TBC1D22A: variants seen among roughly 807,000 people sequenced by gnomAD.
The protein encoded by TBC1D22A is TBC1 domain family member 22A.
Under a neutral mutation model 60.2 loss-of-function variants are expected in TBC1D22A, and 38 were observed. The ratio of observed to expected loss-of-function variants is 0.63; its 90% CI spans 0.49 to 0.83. The LOEUF (loss-of-function observed/expected upper bound fraction) is 0.83. TBC1D22A is among the 40% of genes least tolerant of loss of function. The pLI, the probability that TBC1D22A is intolerant of heterozygous loss-of-function variation, is 0.00. For missense variants in TBC1D22A, 628 were observed against 701.0 expected, an observed-to-expected ratio of 0.90 and a Z score of 1.18; for synonymous variants, 302 against 281.7, an observed-to-expected ratio of 1.07 and a Z score of -0.72.
intron 7 of TBC1D22A, among the ~76,000 whole-genome samples, chr22:46,907,145 T>TGC (rs367694379): frequency 6.6e-5 from 10 of 152,062 alleles, no homozygotes; most frequent in Non-Finnish European, 1.5e-4. Flanking sequence ...TGTGTGTGTG[T>TGC]GCGTGTGTTC....
At chr22:46,966,166 G>A (rs1452833804) in intron 8 of TBC1D22A, among the ~76,000 whole-genome samples, 4 of 152,130 alleles carry the variant, frequency 2.6e-5, no homozygotes, top group Non-Finnish European at 4.4e-5. Flanking sequence ...CCCATCACCT[G>A]CGCTCTATCC....
chr22:46,929,659 C>T (rs1166379991), intron 8 of TBC1D22A, among the ~76,000 whole-genome samples: 3 of 152,026 alleles, frequency 2.0e-5, no homozygotes, highest in Non-Finnish European at 4.4e-5. Context: ...CTCAAGGTAC[C>T]TTATTCAACT....
chr22:47,105,459 T>G (rs1274333439), intron 11 of TBC1D22A, among the ~76,000 whole-genome samples: 4 of 152,214 alleles, frequency 2.6e-5, no homozygotes, highest in African/African-American at 9.6e-5. Flanking sequence ...CCCAGGGGTA[T>G]CTGCCAGTTG....
intron 4 of TBC1D22A, among the ~76,000 whole-genome samples, chr22:46,878,153 A>G (rs908503202): frequency 2.0e-5 from 3 of 151,928 alleles, no homozygotes; most frequent in African/African-American, 7.3e-5. Flanking sequence ...CCGTGAAACA[A>G]TTTCTTTCAA....
chr22:47,053,918 C>T (rs1324664813), intron 11 of TBC1D22A, among the ~76,000 whole-genome samples: 1 of 152,210 alleles, frequency 6.6e-6, no homozygotes, highest in Non-Finnish European at 1.5e-5. Flanking sequence ...CACGGGAATG[C>T]TCCAGAAGTG....
At chr22:46,819,970 G>C (rs1416035167) in intron 4 of TBC1D22A, among the ~76,000 whole-genome samples, 1 of 152,150 alleles carries the variant, frequency 6.6e-6, no homozygotes, top group Non-Finnish European at 1.5e-5. Flanking sequence ...TCTAGTTAGG[G>C]TATATGCATC....
At position 47,016,870 on chromosome 22, in the gene TBC1D22A, T is replaced by C. The variant is rs557462544; in HGVS notation, c.1201+19161T>C. ...AGCTGCTGCGTGGCTGTTGTGCTCC[T>C]CAGAGTCCTGGGCCAGGTTCTTGCC... On this transcript the variant is annotated intron_variant, in intron 10 of 12. Transcript: ENST00000337137. Among the ~76,000 whole-genome samples the C allele has an allele frequency of 2.6e-3, 397 of 152,332 alleles. 2 individuals carry two copies. The highest frequency in any genetic ancestry group is 9.0e-3 in the African/African-American group (376 of 41,580).
At chr22:47,027,653 G>A (rs2062305203) in intron 10 of TBC1D22A, among the ~76,000 whole-genome samples, 1 of 152,134 alleles carries the variant, frequency 6.6e-6, no homozygotes, top group Non-Finnish European at 1.5e-5. Context: ...AACACAGAGC[G>A]TCTTTGTGTG....
chr22:47,162,816 G>A (rs9798766), intron 12 of TBC1D22A, among the ~76,000 whole-genome samples: 55,186 of 107,958 alleles, frequency 0.51, 14,067 homozygotes, highest in East Asian at 0.7. Context: ...CTGTGGACCC[G>A]GTGCAGGGAG....
chr22:46,883,807 G>A lies in TBC1D22A; in HGVS notation c.708+5084G>A, dbSNP rs557708513. On this transcript the variant is annotated intron_variant, in intron 5 of 12. Transcript: ENST00000337137. ...CATCATTGGCCAGGCTCTGTTTCCG[G>A]CCTTGCCCCTAGCCAACCCGGACAC... is the stretch of plus-strand genomic sequence containing the variant. 2.0e-5 allele frequency among the ~76,000 whole-genome samples: 3 copies of A among 152,306 alleles called. No homozygotes were observed. In the South Asian group the frequency reaches 6.2e-4, roughly 32 times the overall value.
At chr22:46,804,146 T>C (rs2085027037) in intron 4 of TBC1D22A, among the ~76,000 whole-genome samples, 1 of 152,204 alleles carries the variant, frequency 6.6e-6, no homozygotes, top group South Asian at 2.1e-4. Context: ...GGTTTGCGTT[T>C]TCCCCCCGTG....
At chr22:46,900,107 T>A (rs1174253165) in intron 7 of TBC1D22A, among the ~76,000 whole-genome samples, 1 of 151,982 alleles carries the variant, frequency 6.6e-6, no homozygotes, top group Non-Finnish European at 1.5e-5. Flanking sequence ...CTAATAAAAT[T>A]CACGTATTTT....
At chr22:46,847,918 G>GGTGTGTGTGTGT (rs58012028) in intron 4 of TBC1D22A, among the ~76,000 whole-genome samples, 1 of 134,138 alleles carries the variant, frequency 7.5e-6, no homozygotes, top group African/African-American at 3.2e-5. Flanking sequence ...TACCCTAGTG[G>GGTGTGTGTGTGT]GTGTGTGTGT....
In TBC1D22A at chr22:47,009,777, A is replaced by G. The variant is rs980989234; in HGVS notation, c.1201+12068A>G. Among the ~76,000 whole-genome samples the G allele has an allele frequency of 1.3e-5, 2 of 152,200 alleles. No homozygotes were observed. The highest frequency in any genetic ancestry group is 4.8e-5 in the African/African-American group (2 of 41,456). On this transcript the variant is annotated intron_variant, in intron 10 of 12. Transcript: ENST00000337137. This position sits in a 1 kb window ranked among gnomAD's most constrained non-coding sequence, Gnocchi z 5.8. ...ACAAACTGTACAGCAGGATGGGTCCATGGTGGGGCTGAGTGTTGGAAGTTT... is the reference window on the plus strand; with the variant it reads ...ACAAACTGTACAGCAGGATGGGTCCGTGGTGGGGCTGAGTGTTGGAAGTTT...
At chr22:47,119,991 C>A (rs1354456314) in intron 12 of TBC1D22A, among the ~76,000 whole-genome samples, 1 of 152,172 alleles carries the variant, frequency 6.6e-6, no homozygotes, top group Non-Finnish European at 1.5e-5. Flanking sequence ...ATTCATGAGG[C>A]CTGCCTTCAT....
intron 1 of TBC1D22A, among the ~76,000 whole-genome samples, chr22:46,791,640 A>G (rs1012768469): frequency 2.0e-5 from 3 of 151,616 alleles, no homozygotes; most frequent in Non-Finnish European, 2.9e-5. Context: ...CAGCCAAAGG[A>G]GCAAAGGCTT....
chr22:47,139,889 T>G (rs991779040), intron 12 of TBC1D22A, among the ~76,000 whole-genome samples: 4 of 152,272 alleles, frequency 2.6e-5, no homozygotes, highest in Non-Finnish European at 4.4e-5. Context: ...GTGGACCTGT[T>G]GCGAAGTCCA....
intron 8 of TBC1D22A, among the ~76,000 whole-genome samples, chr22:46,934,775 G>C (rs2071551012): frequency 6.7e-6 from 1 of 150,176 alleles, no homozygotes; most frequent in Non-Finnish European, 1.5e-5. Flanking sequence ...GCGTTGCCTC[G>C]AGTGTTGGTG....
At chr22:46,890,755 G>A (rs894741626) in intron 5 of TBC1D22A, among the ~76,000 whole-genome samples, 5 of 152,192 alleles carry the variant, frequency 3.3e-5, no homozygotes, top group African/African-American at 1.2e-4. Context: ...GGGCCCATGA[G>A]TCTTTGAAGA....
Sources: allele counts gnomAD v4.1 joint callset (sites outside exome capture counted in the v4.1 genomes callset), GRCh38; gene constraint gnomAD v4.1.1; non-coding constraint Gnocchi (gnomAD v3.1); transcripts MANE v1.5; gene names NCBI Gene and HGNC (gene_info 2026-07-23, HGNC 2026-07-21).